Variants in MTREX observed in about 807,000 individuals in gnomAD.
MTREX encodes the protein exosome RNA helicase MTR4.
MTREX carries 76 observed loss-of-function variants against 135.4 expected under a neutral mutation model. The observed-to-expected ratio is 0.56, with a 90% CI of 0.47 to 0.68. MTREX has a LOEUF of 0.68. Among genes scored for constraint, MTREX ranks in the 30% least tolerant of loss-of-function variants. The pLI, the probability that MTREX is intolerant of heterozygous loss-of-function variation, is 0.00. For synonymous variants in MTREX, 404 were observed against 401.6 expected (o/e 1.01, Z -0.07); for missense variants, 920 against 1,262.1 (o/e 0.73, Z 4.11).
intron 1 of MTREX, among the ~76,000 whole-genome samples, chr5:55,313,986 G>GTT (rs1284593414): frequency 4.2e-5 from 6 of 144,508 alleles, no homozygotes; most frequent in South Asian, 2.2e-4. Context: ...GTAGAGAGCT[G>GTT]TTTTTTTTTT....
At chr5:55,364,741 T>C (rs1750072903) in intron 15 of MTREX, among the ~76,000 whole-genome samples, 1 of 152,144 alleles carries the variant, frequency 6.6e-6, no homozygotes, top group Non-Finnish European at 1.5e-5. Flanking sequence ...ACAAAAGGAC[T>C]AATCTAAGAC....
intron 26 of MTREX, 89 bp downstream of exon 26, chr5:55,423,071 T>C: frequency 2.2e-6 from 2 of 926,018 alleles, no homozygotes; most frequent in Non-Finnish European, 3.4e-6. Context: ...GGAGGACGTT[T>C]TGAGATGTTC....
intron 18 of MTREX, among the ~76,000 whole-genome samples, chr5:55,385,677 A>G (rs1021902893): frequency 1.3e-5 from 2 of 152,178 alleles, no homozygotes; most frequent in African/African-American, 2.4e-5. Flanking sequence ...CTGTTTCCAG[A>G]AAATTTAAAT....
intron 1 of MTREX, among the ~76,000 whole-genome samples, chr5:55,313,324 C>G (rs952078897): frequency 6.6e-6 from 1 of 151,798 alleles, no homozygotes; most frequent in Non-Finnish European, 1.5e-5. Context: ...CCTGTAGTCC[C>G]TCCTAGTCAG....
rs1331197716 is a variant in MTREX, at chr5:55,378,174, T to C, written c.1811-140T>C. The stretch of plus-strand genomic sequence containing the variant: ...GGGAGCTTTTGGATAGATGAACACA[T>C]AGAGACTTACAGGAAGGTGGAAGGT... On this transcript the variant is annotated intron_variant, in intron 16 of 26. Coordinates refer to ENST00000230640, the MANE Select transcript of MTREX (RefSeq NM_015360.5). 7 of 957,962 alleles carry C rather than the reference T, an allele frequency of 7.3e-6. No individual in the cohort carries two copies. The East Asian group carries it at 2.2e-4, about 31-fold the overall frequency. The allele number at this position is 957,962 out of a possible 1,614,324, so 59.3% of individuals were successfully genotyped here.
chr5:55,350,591 C>A (rs1749809685), intron 12 of MTREX, among the ~76,000 whole-genome samples: 1 of 152,038 alleles, frequency 6.6e-6, no homozygotes, highest in African/African-American at 2.4e-5. Context: ...TTGCCAGTAT[C>A]TTTTAAGTTT....
Position 55,422,971 on chromosome 5 carries a change from A to G in MTREX, c.3065A>G (p.Lys1022Arg). 6.2e-7 allele frequency: 1 copy of G among 1,613,480 alleles called. No homozygotes were observed. The highest frequency in any genetic ancestry group is 8.5e-7 in the Non-Finnish European group (1 of 1,179,582). The change falls in exon 26 of 27, where the codon AAA becomes AGA. Residue 1022 changes from lysine to arginine, a missense_variant. Coordinates refer to ENST00000230640, the MANE Select transcript of MTREX (RefSeq NM_015360.5). ...ATTGGAAACACTGAGCTGGAAAATA[A>G]ATTTGCAGAAGGTCAGTATCAAATG... is the stretch of plus-strand genomic sequence containing the variant. ...KAIGNTELENKFAEGITKIKR... is the reference protein window; with the variant it reads ...KAIGNTELENRFAEGITKIKR...
chr5:55,346,995 T>G lies in MTREX; in HGVS notation c.1109-18T>G. On this transcript the variant is annotated intron_variant, in intron 10 of 26. Transcript: ENST00000230640. ...CTATTTTGAGTTAATTTTGGTGTGT[T>G]GTTTACTGTTTTTGCAGGACCATCA... 6.3e-7 allele frequency: 1 copy of G among 1,592,622 alleles called. No homozygotes were observed. The highest frequency in any genetic ancestry group is 8.5e-7 in the Non-Finnish European group (1 of 1,172,016).
At chr5:55,401,709 C>G (rs1228142414) in intron 21 of MTREX, among the ~76,000 whole-genome samples, 1 of 152,186 alleles carries the variant, frequency 6.6e-6, no homozygotes, top group Non-Finnish European at 1.5e-5. Flanking sequence ...GTTAGTAGTT[C>G]AGCTTTTTAG....
intron 19 of MTREX, among the ~76,000 whole-genome samples, chr5:55,393,571 C>G (rs1480868959): frequency 6.6e-6 from 1 of 152,126 alleles, no homozygotes; most frequent in South Asian, 2.1e-4. Context: ...TTAAAACTTG[C>G]TTCTTATATT....
intron 5 of MTREX, among the ~76,000 whole-genome samples, chr5:55,332,630 G>A (rs1042954139): frequency 1.3e-5 from 2 of 152,218 alleles, no homozygotes; most frequent in Non-Finnish European, 2.9e-5. Flanking sequence ...AAGAAAGGGA[G>A]AGGAAATTGG....
chr5:55,400,544 A>G (rs1750708773), intron 21 of MTREX, 123 bp downstream of exon 21: 1 of 623,666 alleles, frequency 1.6e-6, no homozygotes, highest in African/African-American at 1.8e-5. Flanking sequence ...GCTATCTTTT[A>G]AATAAACTGT....
chr5:55,341,675 C>A lies in MTREX; in HGVS notation c.691-6C>A, dbSNP rs376739599. Reference sequence around the variant, plus strand: ...AACTAAATACATTTTTTACTTTTTTCTTTAGATTTTGAGAAGTATGCTTTA... The same window carrying A: ...AACTAAATACATTTTTTACTTTTTTATTTAGATTTTGAGAAGTATGCTTTA... On this transcript the variant is annotated splice_polypyrimidine_tract_variant and splice_region_variant and intron_variant, in intron 6 of 26. Coordinates refer to ENST00000230640, the MANE Select transcript of MTREX (RefSeq NM_015360.5). The A allele has an allele frequency of 7.2e-6, 11 of 1,521,124 alleles. No individual in the cohort carries two copies. Among genetic ancestry groups the A allele is most frequent in the Non-Finnish European group, 9.9e-6 (11 of 1,114,354 alleles). 94.2% of individuals were successfully genotyped at this position (1,521,124 alleles called of 1,614,324 possible). A position where few individuals can be genotyped will look rare whatever the true frequency, so the allele number is the denominator to read the frequency against.
chr5:55,341,976 G>T (rs1463904924), intron 7 of MTREX, among the ~76,000 whole-genome samples: 2 of 152,076 alleles, frequency 1.3e-5, no homozygotes, highest in African/African-American at 2.4e-5. Flanking sequence ...ATCCTAGGTA[G>T]GATCCTAGGT....
intron 5 of MTREX, among the ~76,000 whole-genome samples, chr5:55,335,952 G>A (rs1278850473): frequency 6.6e-6 from 1 of 152,096 alleles, no homozygotes; most frequent in African/African-American, 2.4e-5. Flanking sequence ...AATTTTCAGT[G>A]TATAGGTCTT....
intron 3 of MTREX, among the ~76,000 whole-genome samples, chr5:55,327,047 A>C (rs987602505): frequency 6.6e-6 from 1 of 152,230 alleles, no homozygotes; most frequent in African/African-American, 2.4e-5. Flanking sequence ...TTATGGCTGC[A>C]TAGTATTCCA....
intron 15 of MTREX, among the ~76,000 whole-genome samples, chr5:55,365,977 C>T (rs1750097291): frequency 1.4e-5 from 2 of 147,012 alleles, no homozygotes; most frequent in South Asian, 2.2e-4. Context: ...GGCTACACAG[C>T]GAGACCCCAT....
chr5:55,352,902 G>A (rs1749850720), intron 13 of MTREX, among the ~76,000 whole-genome samples: 1 of 152,152 alleles, frequency 6.6e-6, no homozygotes, highest in African/African-American at 2.4e-5. Context: ...TAAGACCAGT[G>A]TGTATTCTCT....
rs1018438355 is a variant in MTREX at position 55,419,673 on chromosome 5, A to G, written c.2972-3205A>G. ...CATAAACAATATTGTACTCTTAACT[A>G]TGAAGGATGACAAAGGATTTGCTTT... On this transcript the variant is annotated intron_variant, in intron 25 of 26. Transcript: ENST00000230640. Among the ~76,000 whole-genome samples, 10 of 152,228 alleles carry G rather than the reference A, an allele frequency of 6.6e-5. No homozygotes were observed. In the South Asian group the frequency reaches 1.2e-3, roughly 19 times the overall value.
Sources: gnomAD v4.1 joint callset for allele counts (sites outside exome capture counted in the v4.1 genomes callset) on GRCh38, gnomAD v4.1.1 for gene constraint, MANE v1.5 for transcripts, NCBI Gene and HGNC (gene_info 2026-07-23, HGNC 2026-07-21) for gene names.